MGAT3: variants seen among roughly 807,000 people sequenced by gnomAD.
The protein encoded by MGAT3 is beta-1,4-mannosyl-glycoprotein 4-beta-N-acetylglucosaminyltransferase.
MGAT3 carries 9 observed loss-of-function variants against 29.8 expected under a neutral mutation model. The ratio of observed to expected loss-of-function variants is 0.30; its 90% CI spans 0.18 to 0.53. The LOEUF (loss-of-function observed/expected upper bound fraction) is 0.53, where lower values mean the gene tolerates loss of function less well. Among genes scored for constraint, MGAT3 ranks in the 20% least tolerant of loss-of-function variants. The probability of loss-of-function intolerance (pLI) is 0.96; values close to 1 mark genes in which losing one functional copy is unlikely to be tolerated. For missense variants in MGAT3, 557 were observed against 769.5 expected, an observed-to-expected ratio of 0.72 and a Z score of 3.27; for synonymous variants, 397 against 348.9, an observed-to-expected ratio of 1.14 and a Z score of -1.54.
intron 1 of MGAT3, among the ~76,000 whole-genome samples, chr22:39,485,995 T>C (rs1196545962): frequency 6.6e-6 from 1 of 152,220 alleles, no homozygotes; most frequent in Non-Finnish European, 1.5e-5. Flanking sequence ...AACTGGTACA[T>C]TTATTTCTAC....
In MGAT3 at chr22:39,457,789, C is replaced by G. The variant is rs867078840; in HGVS notation, c.-2+232C>G. Among the ~76,000 whole-genome samples the G allele has an allele frequency of 6.6e-6, 1 of 151,108 alleles. No individual in the cohort carries two copies. The highest frequency in any genetic ancestry group is 6.6e-5 in the Admixed American group (1 of 15,190). On this transcript the variant is annotated intron_variant, in intron 1 of 1. Transcript: ENST00000341184. This position sits in a 1 kb window ranked among gnomAD's most constrained non-coding sequence, Gnocchi z 6.8. ...CCCCTCCCCCTACCCGCCGCTCCTC[C>G]GAGCTCCCCGGTCCCCGGAGGGCAG...
At position 39,489,066 on chromosome 22, in the gene MGAT3, T is replaced by TGGGGGTGGGGTGG; in HGVS notation, c.*127_*128insTGGGGGGGTGGGG. 1 of 332,622 alleles carries TGGGGGTGGGGTGG rather than the reference T, an allele frequency of 3.0e-6. No homozygotes were observed. The highest frequency in any genetic ancestry group is 5.3e-6 in the Non-Finnish European group (1 of 188,438). 20.6% of individuals were successfully genotyped at this position (332,622 alleles called of 1,614,324 possible). On this transcript the variant is annotated 3_prime_UTR_variant, in exon 2 of 2. Transcript: ENST00000341184. ...GAGGGGACCAGGAGTGGGTGGGGAG[T>TGGGGGTGGGGTGG]GGGGGTGGGGGTAGGGTTTCCCTAC...
At chr22:39,482,954 C>A (rs1437798269) in intron 1 of MGAT3, among the ~76,000 whole-genome samples, 1 of 152,232 alleles carries the variant, frequency 6.6e-6, no homozygotes, top group African/African-American at 2.4e-5. Flanking sequence ...GTAACTAGAT[C>A]CTGAAAGCCA....
chr22:39,488,352 C>A lies in MGAT3; in HGVS notation c.1005C>A (p.Gly335=). ...TCCTTTTCCTCAAGCTCTACGATGG[C>A]TGGACCGAGCCCTTCGCCTTCCACA... ...DGVLFLKLYD[G]WTEPFAFHMR... The change falls in exon 2 of 2, where the codon GGC becomes GGA. Residue 335 remains glycine, a synonymous_variant. Transcript: ENST00000341184. 2 of 1,612,590 alleles carry A rather than the reference C, an allele frequency of 1.2e-6. No homozygotes were observed. The highest frequency in any genetic ancestry group is 1.7e-6 in the Non-Finnish European group (2 of 1,180,020).
rs1378736472 is a variant in MGAT3, at chr22:39,490,333, G to T, written c.*1384G>T. 1 of 167,122 alleles carries T rather than the reference G, an allele frequency of 6.0e-6. No individual in the cohort carries two copies. Among genetic ancestry groups the T allele is most frequent in the Admixed American group, 6.5e-5 (1 of 15,294 alleles). 10.4% of individuals were successfully genotyped at this position (167,122 alleles called of 1,614,324 possible). A position where few individuals can be genotyped will look rare whatever the true frequency, so the allele number is the denominator to read the frequency against. ...CACCTCTGCTGGCCTCTCATTGGCT[G>T]GGACTCAGTCACATGGCCACAAGCA... On this transcript the variant is annotated 3_prime_UTR_variant, in exon 2 of 2. Transcript: ENST00000341184.
chr22:39,458,337 C>T (rs1928400198), intron 1 of MGAT3, among the ~76,000 whole-genome samples: 2 of 152,060 alleles, frequency 1.3e-5, no homozygotes, highest in Admixed American at 1.3e-4. Context: ...CGGATGACCC[C>T]CAGCCCCGGA....
intron 1 of MGAT3, among the ~76,000 whole-genome samples, chr22:39,472,121 TG>T (rs1352544445): frequency 6.6e-6 from 1 of 152,132 alleles, no homozygotes; most frequent in Admixed American, 6.5e-5. Context: ...GAGGAATGAA[TG>T]CCTTGCTAAG....
Position 39,487,771 on chromosome 22 carries a change from G to A in MGAT3, c.424G>A (p.Gly142Ser), listed in dbSNP as rs1463535220. 3 of 1,500,644 alleles carry A rather than the reference G, an allele frequency of 2.0e-6. No individual in the cohort carries two copies. The highest frequency in any genetic ancestry group is 1.4e-5 in the African/African-American group (1 of 71,420). 93.0% of individuals were successfully genotyped at this position (1,500,644 alleles called of 1,614,324 possible). A position where few individuals can be genotyped will look rare whatever the true frequency, so the allele number is the denominator to read the frequency against. The change falls in exon 2 of 2, where the codon GGC becomes AGC. Residue 142 changes from glycine (G) to serine (S), a missense_variant. Physicochemically the swap from Gly to Ser is moderately conservative, Grantham distance 56. Transcript: ENST00000341184. This position sits in a 1 kb window ranked among gnomAD's most constrained non-coding sequence, Gnocchi z 5.7. ...GGAGGAGAAGCCTGAGGGGGCCAAC[G>A]GCTCCTCGGCCCGGCGGCCACCCCG... Reference protein sequence around the residue: ...RPEEKPEGANGSSARRPPRYL... With the variant: ...RPEEKPEGANSSSARRPPRYL...
intron 1 of MGAT3, among the ~76,000 whole-genome samples, chr22:39,461,676 C>G (rs1467711265): frequency 6.6e-6 from 1 of 152,158 alleles, no homozygotes; most frequent in Non-Finnish European, 1.5e-5. Context: ...TCCTCATGAC[C>G]CCCTTCCTCT....
chr22:39,467,644 T>G (rs958896057), intron 1 of MGAT3, among the ~76,000 whole-genome samples: 1 of 146,974 alleles, frequency 6.8e-6, no homozygotes, highest in Non-Finnish European at 1.5e-5. Flanking sequence ...CCTTCTTTTT[T>G]CTTTTCTTTT....
chr22:39,473,597 C>T (rs1219937301), intron 1 of MGAT3, among the ~76,000 whole-genome samples: 2 of 152,114 alleles, frequency 1.3e-5, no homozygotes, highest in Admixed American at 6.5e-5. Flanking sequence ...CTATAGCACC[C>T]CCTACATGAT....
rs892344463 is a variant in MGAT3 at position 39,490,274 on chromosome 22, T to G, written c.*1325T>G. 3 of 167,042 alleles carry G rather than the reference T, an allele frequency of 1.8e-5. No individual in the cohort carries two copies. The highest frequency in any genetic ancestry group is 4.8e-5 in the African/African-American group (2 of 41,432). 10.3% of individuals were successfully genotyped at this position (167,042 alleles called of 1,614,324 possible). On this transcript the variant is annotated 3_prime_UTR_variant, in exon 2 of 2. Transcript: ENST00000341184. ...AAATAGACAAGAGGGCACACCCACT[T>G]TTTGCTAAAGGCATGAGCCAGAATT...
chr22:39,488,750 C>G lies in MGAT3; in HGVS notation c.1403C>G (p.Thr468Arg). ...CGCACCGGGGGCTGGTTCGACGGCA[C>G]GCAGCAGGAGTACCCGCCTGCAGAC... Reference protein sequence around the residue: ...LIRTGGWFDGTQQEYPPADPS... With the variant: ...LIRTGGWFDGRQQEYPPADPS... The change falls in exon 2 of 2, where the codon ACG (threonine) becomes AGG (arginine). Residue 468 changes from threonine to arginine, a missense_variant. By Grantham distance (71) the Thr-to-Arg change is moderately conservative. Around this residue, in one of 3 missense-constraint regions of MGAT3, gnomAD observed 102 missense variants for 97.0 expected, o/e 1.05. Transcript: ENST00000341184. 1.9e-6 allele frequency: 3 copies of G among 1,612,966 alleles called. No individual in the cohort carries two copies. The highest frequency in any genetic ancestry group is 2.5e-6 in the Non-Finnish European group (3 of 1,179,594).
At chr22:39,478,526 G>A (rs1569003614) in intron 1 of MGAT3, among the ~76,000 whole-genome samples, 1 of 152,226 alleles carries the variant, frequency 6.6e-6, no homozygotes, top group Non-Finnish European at 1.5e-5. Context: ...ACGGAGGTGG[G>A]TGGCAGGGGC....
rs955889997 is a variant in MGAT3, at chr22:39,457,774, T to A, written c.-2+217T>A. Reference sequence around the variant, plus strand: ...CCGCTCGGCGCGGGCCCCCTCCCCCTACCCGCCGCTCCTCCGAGCTCCCCG... The same window carrying A: ...CCGCTCGGCGCGGGCCCCCTCCCCCAACCCGCCGCTCCTCCGAGCTCCCCG... On this transcript the variant is annotated intron_variant, in intron 1 of 1. Transcript: ENST00000341184. The surrounding 1 kb of genome is among the most constrained non-coding windows in gnomAD (Gnocchi z 6.8). 1.3e-5 allele frequency among the ~76,000 whole-genome samples: 2 copies of A among 150,068 alleles called. No individual in the cohort carries two copies. Among genetic ancestry groups the A allele is most frequent in the African/African-American group, 4.9e-5 (2 of 41,106 alleles).
chr22:39,478,207 C>T (rs1019024291), intron 1 of MGAT3, among the ~76,000 whole-genome samples: 1 of 152,238 alleles, frequency 6.6e-6, no homozygotes, highest in African/African-American at 2.4e-5. Context: ...GGGTCCACCC[C>T]AAGGTGTACC....
intron 1 of MGAT3, among the ~76,000 whole-genome samples, chr22:39,476,292 T>A (rs1433671452): frequency 6.6e-6 from 1 of 152,198 alleles, no homozygotes; most frequent in Non-Finnish European, 1.5e-5. Context: ...AGAGTGGGGC[T>A]GACTCCATGA....
At chr22:39,473,215 C>T (rs1347643848) in intron 1 of MGAT3, among the ~76,000 whole-genome samples, 2 of 152,162 alleles carry the variant, frequency 1.3e-5, no homozygotes, top group South Asian at 2.1e-4. Flanking sequence ...CACAGAATAC[C>T]TGAGACTGGG....
At chr22:39,464,290 G>A (rs1382231334) in intron 1 of MGAT3, among the ~76,000 whole-genome samples, 5 of 152,192 alleles carry the variant, frequency 3.3e-5, no homozygotes, top group African/African-American at 1.2e-4. Context: ...GTGGCAAATT[G>A]TGGTGGGTGA....
Sources: allele counts gnomAD v4.1 joint callset (sites outside exome capture counted in the v4.1 genomes callset), GRCh38; gene constraint gnomAD v4.1.1; regional missense constraint gnomAD v4.1.1; non-coding constraint Gnocchi (gnomAD v3.1); transcripts MANE v1.5; gene names NCBI Gene and HGNC (gene_info 2026-07-23, HGNC 2026-07-21).